The following TSPAN12 variants were observed in gnomAD, a reference collection of about 807,000 sequenced individuals.
TSPAN12 encodes the protein tetraspanin-12.
A neutral mutation model predicts 39.2 loss-of-function variants in TSPAN12; 19 were observed. The ratio of observed to expected loss-of-function variants is 0.49; its 90% CI spans 0.34 to 0.71. The LOEUF (loss-of-function observed/expected upper bound fraction) is 0.71. Among genes scored for constraint, TSPAN12 ranks in the 30% least tolerant of loss-of-function variants. TSPAN12 has a pLI of 0.01. For missense variants in TSPAN12, 314 were observed against 359.9 expected (o/e 0.87, Z 1.03); for synonymous variants, 119 against 124.8 (o/e 0.95, Z 0.31).
chr7:120,845,283 C>T (rs1409886646), intron 2 of TSPAN12, among the ~76,000 whole-genome samples: 3 of 152,168 alleles, frequency 2.0e-5, no homozygotes, highest in African/African-American at 4.8e-5. Flanking sequence ...CTCTGAAATG[C>T]CTTTGAGGCA....
At chr7:120,830,818 C>T (rs1794376414) in intron 4 of TSPAN12, among the ~76,000 whole-genome samples, 2 of 151,938 alleles carry the variant, frequency 1.3e-5, no homozygotes, top group Non-Finnish European at 2.9e-5. Context: ...AACTACCAAG[C>T]TTCTGCATAG....
At chr7:120,839,890 G>A in intron 3 of TSPAN12, 137 bp downstream of exon 3, 2 of 700,238 alleles carry the variant, frequency 2.9e-6, no homozygotes, top group Non-Finnish European at 5.2e-6. Context: ...GAGGATGCAA[G>A]TGTCTGTGAC....
At chr7:120,855,741 C>T (rs1008521523) in intron 2 of TSPAN12, among the ~76,000 whole-genome samples, 1 of 152,130 alleles carries the variant, frequency 6.6e-6, no homozygotes, top group Non-Finnish European at 1.5e-5. Flanking sequence ...ACCTAAATGT[C>T]ATCTTCTAGA....
intron 3 of TSPAN12, among the ~76,000 whole-genome samples, chr7:120,839,238 AT>A (rs1794534820): frequency 6.6e-6 from 1 of 152,140 alleles, no homozygotes; most frequent in Non-Finnish European, 1.5e-5. Context: ...AGTAAATCAC[AT>A]GGGAGCCTTT....
chr7:120,840,210 C>T, intron 2 of TSPAN12, 101 bp from the exon 3 acceptor site: 1 of 907,226 alleles, frequency 1.1e-6, no homozygotes, highest in Non-Finnish European at 1.8e-6. Context: ...TAATATCTTT[C>T]CCAATTACCA....
chr7:120,806,809 T>C, intron 6 of TSPAN12, 117 bp from the exon 7 acceptor site: 1 of 1,208,936 alleles, frequency 8.3e-7, no homozygotes, highest in Non-Finnish European at 1.2e-6. Flanking sequence ...TGTCATCACC[T>C]AATGATATAT....
intron 5 of TSPAN12, among the ~76,000 whole-genome samples, chr7:120,811,367 A>T (rs186673443): frequency 1.3e-5 from 2 of 152,296 alleles, no homozygotes; most frequent in Non-Finnish European, 2.9e-5. Flanking sequence ...CAATGAGTGG[A>T]TAAAGAAAAT....
chr7:120,830,650 T>C (rs879432673), intron 4 of TSPAN12, among the ~76,000 whole-genome samples: 1 of 152,012 alleles, frequency 6.6e-6, no homozygotes, highest in Non-Finnish European at 1.5e-5. Flanking sequence ...ACAACAAAAA[T>C]GTTTTAAAGA....
rs141245619 is a variant in TSPAN12, at chr7:120,833,132, A to C, written c.285+5645T>G. On this transcript the variant is annotated intron_variant, in intron 4 of 7. Coordinates refer to ENST00000222747, the MANE Select transcript of TSPAN12 (RefSeq NM_012338.4). ...TGCTGTGAGTATATTTTGAGAAAACAAAGGTAAAATATTGGGCAGATACTG... is the reference window on the plus strand; with the variant it reads ...TGCTGTGAGTATATTTTGAGAAAACCAAGGTAAAATATTGGGCAGATACTG... Among the ~76,000 whole-genome samples, 319 of 152,232 alleles carry C rather than the reference A, an allele frequency of 2.1e-3. 1 individual carries two copies. Among genetic ancestry groups the C allele is most frequent in the African/African-American group, 7.0e-3 (293 of 41,574 alleles).
At chr7:120,822,216 C>T (rs1045635185) in intron 4 of TSPAN12, among the ~76,000 whole-genome samples, 1 of 151,988 alleles carries the variant, frequency 6.6e-6, no homozygotes, top group African/African-American at 2.4e-5. Flanking sequence ...ATTAATTCCC[C>T]CCACTTTTAA....
intron 4 of TSPAN12, among the ~76,000 whole-genome samples, chr7:120,827,870 T>C (rs946868349): frequency 3.3e-5 from 5 of 152,208 alleles, no homozygotes; most frequent in South Asian, 4.1e-4. Context: ...GCTGCAGCGT[T>C]CCAAAGAACT....
Position 120,856,765 on chromosome 7 carries a change from G to A in TSPAN12, c.-2C>T, listed in dbSNP as rs747061596. 6.2e-7 allele frequency: 1 copy of A among 1,614,158 alleles called. No homozygotes were observed. Among genetic ancestry groups the A allele is most frequent in the Admixed American group, 1.7e-5 (1 of 60,026 alleles). On this transcript the variant is annotated 5_prime_UTR_variant, in exon 2 of 8. Coordinates refer to ENST00000222747, the MANE Select transcript of TSPAN12 (RefSeq NM_012338.4). ...CTTCACGGAATCTTCTCTGGCCATT[G>A]TGAGCCCCGTAAGGGAGAAGCCCCA...
chr7:120,836,754 T>G (rs1299456741), intron 4 of TSPAN12, among the ~76,000 whole-genome samples: 1 of 152,220 alleles, frequency 6.6e-6, no homozygotes. Context: ...TATAATGCTC[T>G]TGCCAGTATT....
intron 4 of TSPAN12, among the ~76,000 whole-genome samples, chr7:120,826,982 CA>C (rs1249980421): frequency 2.0e-5 from 3 of 152,154 alleles, no homozygotes; most frequent in African/African-American, 7.2e-5. Flanking sequence ...CTCGGCCTCC[CA>C]AAATGCTGAG....
At chr7:120,830,310 C>T (rs1794366981) in intron 4 of TSPAN12, among the ~76,000 whole-genome samples, 1 of 151,990 alleles carries the variant, frequency 6.6e-6, no homozygotes, top group African/African-American at 2.4e-5. Context: ...CCTAAAATTC[C>T]TATGGTACTA....
Position 120,835,928 on chromosome 7 carries a change from C to T in TSPAN12, c.285+2849G>A, listed in dbSNP as rs1794467607. 3.3e-5 allele frequency among the ~76,000 whole-genome samples: 5 copies of T among 152,162 alleles called. No homozygotes were observed. The South Asian group carries it at 1.0e-3, about 32-fold the overall frequency. On this transcript the variant is annotated intron_variant, in intron 4 of 7. Transcript: ENST00000222747. ...GTTCAGGGGTCAGAAAATACAGAAC[C>T]AGAGAATAATGAAGTAGATAAAAAA... is the stretch of plus-strand genomic sequence containing the variant.
rs1271434249 is a variant in TSPAN12 at position 120,787,664 on chromosome 7, G to C, written c.*928C>G. On this transcript the variant is annotated 3_prime_UTR_variant, in exon 8 of 8. Transcript: ENST00000222747. ...TTTAAAAAGTGTTTAGTGTCAAAAA[G>C]AGTCTTCATTTGGGAGAAAAACAGC... 2.0e-5 allele frequency: 3 copies of C among 152,168 alleles called. No individual in the cohort carries two copies. The highest frequency in any genetic ancestry group is 2.0e-4 in the Admixed American group (3 of 15,266). 9.4% of individuals were successfully genotyped at this position (152,168 alleles called of 1,614,324 possible). A position where few individuals can be genotyped will look rare whatever the true frequency, so the allele number is the denominator to read the frequency against.
chr7:120,815,386 G>A (rs985636956), intron 5 of TSPAN12, among the ~76,000 whole-genome samples: 41 of 152,242 alleles, frequency 2.7e-4, no homozygotes, highest in African/African-American at 9.4e-4. Context: ...GACAGACTAG[G>A]TGGAGGTAAT....
At chr7:120,823,296 G>GATAT (rs140989111) in intron 4 of TSPAN12, among the ~76,000 whole-genome samples, 21 of 147,726 alleles carry the variant, frequency 1.4e-4, no homozygotes, top group Admixed American at 4.0e-4. Flanking sequence ...AGAATGTTCT[G>GATAT]ATATATATAT....
Sources: allele counts gnomAD v4.1 joint callset (sites outside exome capture counted in the v4.1 genomes callset), GRCh38; gene constraint gnomAD v4.1.1; transcripts MANE v1.5; gene names NCBI Gene and HGNC (gene_info 2026-07-23, HGNC 2026-07-21).